Variants in RBL1 observed in about 807,000 individuals in gnomAD.
RBL1 encodes RB transcriptional corepressor like 1, also known as retinoblastoma-like protein 1.
RBL1 carries 82 observed loss-of-function variants against 123.0 expected under a neutral mutation model. The observed-to-expected ratio is 0.67, with a 90% CI of 0.56 to 0.80. The LOEUF is 0.80. Ranked by LOEUF, RBL1 falls within the 30% of genes least tolerant of loss-of-function variation. The pLI, the probability that RBL1 is intolerant of heterozygous loss-of-function variation, is 0.00. For synonymous variants in RBL1, 405 were observed against 441.3 expected, an observed-to-expected ratio of 0.92 and a Z score of 1.03; for missense variants, 1,171 against 1,299.6, an observed-to-expected ratio of 0.90 and a Z score of 1.52.
intron 14 of RBL1, among the ~76,000 whole-genome samples, chr20:37,038,681 C>A (rs1332232490): frequency 6.7e-6 from 1 of 149,034 alleles, no homozygotes. Context: ...TGGCTCACTG[C>A]AACCTCTGCC....
intron 19 of RBL1, among the ~76,000 whole-genome samples, chr20:37,013,687 G>A (rs2064202976): frequency 6.6e-6 from 1 of 151,966 alleles, no homozygotes; most frequent in African/African-American, 2.4e-5. Flanking sequence ...GGATAATAAT[G>A]TTAAGGCTAA....
At chr20:37,016,272 C>CCCA (rs2064252129) in intron 19 of RBL1, among the ~76,000 whole-genome samples, 2 of 152,188 alleles carry the variant, frequency 1.3e-5, no homozygotes, top group African/African-American at 2.4e-5. Flanking sequence ...AGATGATCCA[C>CCCA]CCACCTTGGC....
intron 20 of RBL1, among the ~76,000 whole-genome samples, chr20:37,005,038 C>A (rs1414309154): frequency 1.5e-4 from 23 of 151,566 alleles, no homozygotes; most frequent in Non-Finnish European, 2.8e-4. Flanking sequence ...GAGACTCTGT[C>A]TCAAAAGAAA....
At chr20:37,087,278 C>T (rs557059649) in intron 2 of RBL1, among the ~76,000 whole-genome samples, 10 of 151,384 alleles carry the variant, frequency 6.6e-5, no homozygotes, top group Non-Finnish European at 1.2e-4. Flanking sequence ...GAGGTTGCAA[C>T]GAGTCCAGAT....
chr20:37,066,301 C>A (rs892965181), intron 6 of RBL1, among the ~76,000 whole-genome samples: 1 of 152,226 alleles, frequency 6.6e-6, no homozygotes, highest in Non-Finnish European at 1.5e-5. Context: ...CATGGATTTT[C>A]TGCTCGATTT....
At chr20:37,007,692 A>C (rs1327744552) in intron 19 of RBL1, 133 bp from the exon 20 acceptor site, 4 of 803,716 alleles carry the variant, frequency 5.0e-6, no homozygotes, top group Non-Finnish European at 5.6e-6. Context: ...TCCTGGATTC[A>C]AGTGATCCTC....
chr20:37,062,738 G>A (rs182958484), intron 7 of RBL1, among the ~76,000 whole-genome samples: 1,718 of 150,890 alleles, frequency 0.011, 13 homozygotes, highest in Middle Eastern at 0.024. Context: ...GGCAGATCAC[G>A]AGGTCAGGAG....
intron 2 of RBL1, among the ~76,000 whole-genome samples, chr20:37,086,056 C>T (rs1434274594): frequency 6.6e-6 from 1 of 152,182 alleles, no homozygotes; most frequent in Non-Finnish European, 1.5e-5. Context: ...AGTGATTCTC[C>T]TGCCATGTAC....
chr20:37,029,495 A>T (rs142092947), intron 16 of RBL1, among the ~76,000 whole-genome samples: 14 of 152,206 alleles, frequency 9.2e-5, no homozygotes, highest in African/African-American at 3.4e-4. Context: ...ATCATACTCA[A>T]ATTGAAAACC....
rs369405119 is a variant in RBL1, at chr20:37,044,100, G to A, written c.1756C>T (p.Pro586Ser). The A allele has an allele frequency of 1.8e-5, 29 of 1,607,688 alleles. No individual in the cohort carries two copies. Among genetic ancestry groups the A allele is most frequent in the Non-Finnish European group, 2.3e-5 (27 of 1,177,536 alleles). ...EALQVSANKV[P>S]TCEEVIFPNN... ...CCCAGACTCACTTCTTCACAGGTAGGAACTTTGTTTGCAGAAACCTGGAGA... is the reference window on the plus strand; with the variant it reads ...CCCAGACTCACTTCTTCACAGGTAGAAACTTTGTTTGCAGAAACCTGGAGA... Residue 586 changes from proline (P) to serine (S), a missense_variant, in exon 13 of 22, where the codon CCT becomes TCT. Coordinates refer to ENST00000373664, the MANE Select transcript of RBL1 (RefSeq NM_002895.5).
chr20:37,042,898 C>G lies in RBL1; in HGVS notation c.1770+1188G>C, dbSNP rs560945918. Among the ~76,000 whole-genome samples the G allele has an allele frequency of 2.0e-4, 23 of 115,170 alleles. 2 individuals are homozygous for G. The highest frequency in any genetic ancestry group is 5.7e-4 in the Admixed American group (7 of 12,174). The allele number at this position is 115,170 out of a possible 152,430, so 75.6% of individuals were successfully genotyped here. On this transcript the variant is annotated intron_variant, in intron 13 of 21. Coordinates refer to ENST00000373664, the MANE Select transcript of RBL1 (RefSeq NM_002895.5). ...TGGGTGACAGAGTGAGATCTTGTCC[C>G]CCCCCCTCCAAAAAAAAAAAAAAAA...
chr20:37,004,710 G>T (rs1367973041), intron 20 of RBL1, among the ~76,000 whole-genome samples: 2 of 86,618 alleles, frequency 2.3e-5, no homozygotes, highest in Non-Finnish European at 4.2e-5. Context: ...CCAAGACTCT[G>T]CCTCAAAAAA....
intron 1 of RBL1, 21 bp downstream of exon 1, chr20:37,095,752 G>T: frequency 8.3e-6 from 13 of 1,567,124 alleles, no homozygotes; most frequent in Non-Finnish European, 1.1e-5. Context: ...GGGTCCGGCC[G>T]CCCCACCTGC....
chr20:37,022,119 A>T (rs910317490), intron 17 of RBL1: 1 of 152,214 alleles, frequency 6.6e-6, no homozygotes, highest in Non-Finnish European at 1.5e-5. Context: ...AAAGCTGAAA[A>T]ATCAAGTCTT....
chr20:37,080,037 G>A (rs1321340442), intron 2 of RBL1, among the ~76,000 whole-genome samples: 1 of 151,250 alleles, frequency 6.6e-6, no homozygotes, highest in Non-Finnish European at 1.5e-5. Context: ...TTAATAATAG[G>A]TATGCTATAA....
chr20:37,093,369 C>T (rs182129167), intron 1 of RBL1, among the ~76,000 whole-genome samples: 3 of 149,026 alleles, frequency 2.0e-5, no homozygotes, highest in South Asian at 2.1e-4. Flanking sequence ...GGGCTGGGCT[C>T]GGTGGCTCAT....
chr20:37,001,676 T>C (rs2063983072), intron 21 of RBL1, among the ~76,000 whole-genome samples: 1 of 146,014 alleles, frequency 6.8e-6, no homozygotes, highest in African/African-American at 2.5e-5. Context: ...TGTTCACTTA[T>C]CTGCTGACCT....
chr20:37,089,249 G>A, intron 1 of RBL1, 127 bp from the exon 2 acceptor site: 1 of 898,350 alleles, frequency 1.1e-6, no homozygotes, highest in Non-Finnish European at 1.6e-6. Flanking sequence ...CCAGAGAAGT[G>A]AAGATATTTG....
chr20:37,093,986 TA>T (rs1344514923), intron 1 of RBL1, among the ~76,000 whole-genome samples: 2 of 151,960 alleles, frequency 1.3e-5, no homozygotes, highest in African/African-American at 4.8e-5. Context: ...AAAAAATAAA[TA>T]AGTAGAGCAA....
Sources: allele counts gnomAD v4.1 joint callset (sites outside exome capture counted in the v4.1 genomes callset), GRCh38; gene constraint gnomAD v4.1.1; transcripts MANE v1.5; gene names NCBI Gene and HGNC (gene_info 2026-07-23, HGNC 2026-07-21).